Variants in GRM7 observed in about 807,000 individuals in gnomAD.
GRM7 encodes the protein metabotropic glutamate receptor 7.
A neutral mutation model predicts 84.5 loss-of-function variants in GRM7; 35 were observed. The observed-to-expected ratio is 0.41, with a 90% CI of 0.32 to 0.55. The LOEUF (loss-of-function observed/expected upper bound fraction) is 0.55, where lower values mean the gene tolerates loss of function less well. Among genes scored for constraint, GRM7 ranks in the 20% least tolerant of loss-of-function variants. GRM7 has a pLI of 0.19. For synonymous variants in GRM7, 487 were observed against 455.1 expected (o/e 1.07, Z -0.89); for missense variants, 1,003 against 1,194.6 (o/e 0.84, Z 2.36).
At chr3:7,441,727 T>C (rs1017793186) in intron 5 of GRM7, among the ~76,000 whole-genome samples, 1 of 152,084 alleles carries the variant, frequency 6.6e-6, no homozygotes, top group African/African-American at 2.4e-5. Context: ...GCACCATTTA[T>C]TGAGTGAATC....
At chr3:7,364,450 TGGTG>T (rs1295568406) in intron 4 of GRM7, among the ~76,000 whole-genome samples, 2 of 151,832 alleles carry the variant, frequency 1.3e-5, no homozygotes, top group Non-Finnish European at 2.9e-5. Flanking sequence ...GATCTTCTAG[TGGTG>T]AGTTTTATTA....
intron 9 of GRM7, among the ~76,000 whole-genome samples, chr3:7,695,341 G>C (rs1169231013): frequency 6.6e-6 from 1 of 152,196 alleles, no homozygotes; most frequent in Non-Finnish European, 1.5e-5. Context: ...TCTGCACTCA[G>C]TCAGCCACAA....
At chr3:7,720,236 C>G (rs1322358026) in intron 9 of GRM7, among the ~76,000 whole-genome samples, 1 of 152,180 alleles carries the variant, frequency 6.6e-6, no homozygotes, top group Non-Finnish European at 1.5e-5. Context: ...TGACTTCATA[C>G]TGCCTCTCAC....
intron 5 of GRM7, among the ~76,000 whole-genome samples, chr3:7,447,853 C>G (rs1402705244): frequency 1.3e-5 from 2 of 150,540 alleles, no homozygotes; most frequent in Non-Finnish European, 1.5e-5. Context: ...CACCCATTAA[C>G]TCATCATTTA....
rs149728060 is a variant in GRM7 at position 7,013,274 on chromosome 3, G to A, written c.520-133178G>A. On this transcript the variant is annotated intron_variant, in intron 1 of 9. Transcript: ENST00000357716. ...TTGTTAATCTGTCATTTTTTATAAG[G>A]ACCTTAGCCATGAGGTAAGGGTGTA... is the stretch of plus-strand genomic sequence containing the variant. Among the ~76,000 whole-genome samples, 166 of 152,026 alleles carry A rather than the reference G, an allele frequency of 1.1e-3. 2 individuals are homozygous for A. Among genetic ancestry groups the A allele is most frequent in the African/African-American group, 3.6e-3 (150 of 41,478 alleles).
At chr3:7,079,994 T>A (rs995672133) in intron 1 of GRM7, among the ~76,000 whole-genome samples, 2 of 152,096 alleles carry the variant, frequency 1.3e-5, no homozygotes, top group Non-Finnish European at 2.9e-5. Context: ...GAGTTAATGG[T>A]TTTCCTTAAT....
intron 4 of GRM7, 28 bp downstream of exon 4, chr3:7,306,680 C>CCTACTTCTGG: frequency 1.3e-6 from 2 of 1,550,390 alleles, no homozygotes; most frequent in Non-Finnish European, 1.7e-6. Flanking sequence ...AGTAGGTTTG[C>CCTACTTCTGG]TGAGAGAAGT....
In GRM7 at chr3:7,526,739, C is replaced by T. The variant is rs556840514; in HGVS notation, c.1516-51683C>T. ...GTAGAGGTCTAGTTTTATGCTCCTG[C>T]GTATGGTTAGGTAATTTTCTCAGCA... On this transcript the variant is annotated intron_variant, in intron 7 of 9. Transcript: ENST00000357716. Among the ~76,000 whole-genome samples the T allele has an allele frequency of 2.4e-4, 37 of 151,992 alleles. No individual in the cohort carries two copies. The South Asian group carries it at 6.4e-3, about 26-fold the overall frequency.
chr3:7,599,559 A>T (rs1223741146), intron 8 of GRM7, among the ~76,000 whole-genome samples: 2 of 152,190 alleles, frequency 1.3e-5, no homozygotes, highest in Non-Finnish European at 2.9e-5. Flanking sequence ...AGAGCTTGAC[A>T]TAGGGACATC....
At chr3:6,918,505 T>C (rs548293872) in intron 1 of GRM7, among the ~76,000 whole-genome samples, 1 of 152,324 alleles carries the variant, frequency 6.6e-6, no homozygotes, top group African/African-American at 2.4e-5. Flanking sequence ...TTGTGTATCC[T>C]TGGAGAAAGT....
At chr3:7,150,721 C>T (rs1694259311) in intron 2 of GRM7, among the ~76,000 whole-genome samples, 1 of 152,164 alleles carries the variant, frequency 6.6e-6, no homozygotes, top group South Asian at 2.1e-4. Flanking sequence ...AGAAAATCCA[C>T]TCTCTATGTG....
Position 7,644,034 on chromosome 3 carries a change from A to ACACCCC in GRM7, c.2452-36014_2452-36013insACCCCC, listed in dbSNP as rs59647615. 2.4e-3 allele frequency among the ~76,000 whole-genome samples: 355 copies of ACACCCC among 147,594 alleles called. 4 individuals carry two copies. Among genetic ancestry groups the ACACCCC allele is most frequent in the African/African-American group, 7.7e-3 (310 of 40,016 alleles). On this transcript the variant is annotated intron_variant, in intron 8 of 9. Coordinates refer to ENST00000357716, the MANE Select transcript of GRM7 (RefSeq NM_000844.4). The stretch of plus-strand genomic sequence containing the variant: ...TATATATATATACACACACACACAC[A>ACACCCC]CCATATATAAAATATGTATATATTT...
chr3:7,005,217 C>T (rs1199796779), intron 1 of GRM7, among the ~76,000 whole-genome samples: 4 of 152,178 alleles, frequency 2.6e-5, no homozygotes, highest in African/African-American at 9.7e-5. Flanking sequence ...CTCAGTAGTT[C>T]CTCTCAGGGC....
intron 7 of GRM7, among the ~76,000 whole-genome samples, chr3:7,475,274 A>T (rs1033106455): frequency 7.2e-5 from 11 of 152,188 alleles, no homozygotes; most frequent in African/African-American, 2.7e-4. Context: ...CCTTTATCTT[A>T]GCAGGGAACT....
At chr3:7,175,901 A>G (rs1329212241) in intron 2 of GRM7, among the ~76,000 whole-genome samples, 3 of 152,180 alleles carry the variant, frequency 2.0e-5, no homozygotes, top group Middle Eastern at 6.3e-3. Context: ...TAGAGGAGTC[A>G]GTACAAACCC....
chr3:7,675,670 G>C (rs1700092052), intron 8 of GRM7, among the ~76,000 whole-genome samples: 1 of 152,144 alleles, frequency 6.6e-6, no homozygotes. Flanking sequence ...ATTTCTATCT[G>C]ACTAGACATG....
intron 5 of GRM7, among the ~76,000 whole-genome samples, chr3:7,435,576 G>A (rs150403439): frequency 2.0e-5 from 3 of 151,660 alleles, no homozygotes; most frequent in East Asian, 1.9e-4. Context: ...ACAATGGCAC[G>A]ATCTCAGCTC....
At chr3:7,511,318 G>A (rs1033652661) in intron 7 of GRM7, among the ~76,000 whole-genome samples, 3 of 152,112 alleles carry the variant, frequency 2.0e-5, no homozygotes, top group African/African-American at 7.3e-5. Context: ...GTGATGCCAA[G>A]TTAAAATCAC....
chr3:7,145,522 T>C (rs1442751509), intron 1 of GRM7, among the ~76,000 whole-genome samples: 1 of 152,156 alleles, frequency 6.6e-6, no homozygotes, highest in Non-Finnish European at 1.5e-5. Flanking sequence ...ATGTATATAA[T>C]TTAATTTAGC....
Sources: allele counts gnomAD v4.1 joint callset (sites outside exome capture counted in the v4.1 genomes callset), GRCh38; gene constraint gnomAD v4.1.1; transcripts MANE v1.5; gene names NCBI Gene and HGNC (gene_info 2026-07-23, HGNC 2026-07-21).